Variants in EFR3A observed in about 807,000 individuals in gnomAD.
EFR3A encodes EFR3 homolog A.
In EFR3A, 76 loss-of-function variants were observed where a neutral mutation model predicts 104.4. That is an observed-to-expected ratio of 0.73 (90% CI 0.60 to 0.88). EFR3A has a LOEUF of 0.88. Among genes scored for constraint, EFR3A ranks in the 40% least tolerant of loss-of-function variants. The pLI is 0.00. For synonymous variants in EFR3A, 330 were observed against 330.0 expected (o/e 1.00, Z 0.00); for missense variants, 985 against 1,012.5 (o/e 0.97, Z 0.37).
intron 18 of EFR3A, among the ~76,000 whole-genome samples, chr8:131,989,823 G>A (rs1821073662): frequency 6.6e-6 from 1 of 152,202 alleles, no homozygotes; most frequent in Non-Finnish European, 1.5e-5. Context: ...TCTAGAGAAA[G>A]AATGATGATC....
chr8:131,996,519 G>A, intron 19 of EFR3A, 22 bp downstream of exon 19: 1 of 1,505,870 alleles, frequency 6.6e-7, no homozygotes, highest in Non-Finnish European at 9.1e-7. Context: ...AAAGTTTATG[G>A]TAGAGTACTG....
At chr8:131,954,304 C>G (rs1291238063) in intron 6 of EFR3A, among the ~76,000 whole-genome samples, 1 of 151,976 alleles carries the variant, frequency 6.6e-6, no homozygotes, top group Non-Finnish European at 1.5e-5. Context: ...TATAGCTCTA[C>G]TTTTGTTAAT....
chr8:131,943,393 G>T (rs1248251397), intron 2 of EFR3A, among the ~76,000 whole-genome samples: 1 of 151,940 alleles, frequency 6.6e-6, no homozygotes, highest in Non-Finnish European at 1.5e-5. Context: ...ATATAGGAGA[G>T]ACACAATTTT....
chr8:131,994,160 G>C (rs565416154), intron 18 of EFR3A, among the ~76,000 whole-genome samples: 1 of 151,902 alleles, frequency 6.6e-6, no homozygotes, highest in Non-Finnish European at 1.5e-5. Context: ...GGAGAATCAC[G>C]TGAGCCCAAG....
chr8:131,954,803 T>A (rs992835940), intron 6 of EFR3A, among the ~76,000 whole-genome samples: 27 of 152,000 alleles, frequency 1.8e-4, no homozygotes, highest in African/African-American at 6.3e-4. Context: ...GTTCTAAATT[T>A]AAATTTTATT....
chr8:131,996,290 A>G (rs557169805), intron 18 of EFR3A, 116 bp from the exon 19 acceptor site: 3 of 623,848 alleles, frequency 4.8e-6, no homozygotes, highest in Non-Finnish European at 7.8e-6. Context: ...GGAACAAAAA[A>G]GACAAACTGT....
At chr8:131,929,392 G>C (rs1011581223) in intron 1 of EFR3A, among the ~76,000 whole-genome samples, 9 of 152,108 alleles carry the variant, frequency 5.9e-5, no homozygotes, top group African/African-American at 1.9e-4. Context: ...CCTCTTAAGA[G>C]CCTTAATAGA....
chr8:131,978,733 A>G, intron 12 of EFR3A, 114 bp from the exon 13 acceptor site: 1 of 810,030 alleles, frequency 1.2e-6, no homozygotes, highest in Non-Finnish European at 1.8e-6. Flanking sequence ...TCTTTTCTCC[A>G]GGCTTCTGTC....
At chr8:131,929,547 T>G (rs540351773) in intron 1 of EFR3A, among the ~76,000 whole-genome samples, 1 of 152,244 alleles carries the variant, frequency 6.6e-6, no homozygotes, top group East Asian at 1.9e-4. Context: ...GTGATAGTTG[T>G]TATCACAGAG....
intron 4 of EFR3A, among the ~76,000 whole-genome samples, chr8:131,947,445 T>C (rs1259297642): frequency 6.6e-6 from 1 of 152,050 alleles, no homozygotes; most frequent in Non-Finnish European, 1.5e-5. Context: ...AGATATCTTC[T>C]CCATTTCTAT....
intron 22 of EFR3A, 73 bp from the exon 23 acceptor site, chr8:132,010,717 G>A (rs1822300071): frequency 6.5e-7 from 1 of 1,529,538 alleles, no homozygotes; most frequent in South Asian, 1.2e-5. Context: ...TTCGCAGATA[G>A]TAGATAGAAT....
chr8:131,932,492 G>C (rs1817659132), intron 1 of EFR3A, among the ~76,000 whole-genome samples: 1 of 152,068 alleles, frequency 6.6e-6, no homozygotes, highest in Non-Finnish European at 1.5e-5. Flanking sequence ...GCTAATAAAG[G>C]GGAAGCTGTA....
At chr8:131,917,770 GGTTT>G (rs992291534) in intron 1 of EFR3A, among the ~76,000 whole-genome samples, 16 of 152,148 alleles carry the variant, frequency 1.1e-4, no homozygotes, top group African/African-American at 3.9e-4. Context: ...AAAACTGGTT[GGTTT>G]GTTTTTTTTC....
intron 14 of EFR3A, among the ~76,000 whole-genome samples, chr8:131,980,270 C>T (rs968780305): frequency 1.3e-4 from 20 of 152,090 alleles, no homozygotes; most frequent in African/African-American, 4.8e-4. Flanking sequence ...CTGTCTTTAC[C>T]ATTACTATTG....
intron 8 of EFR3A, among the ~76,000 whole-genome samples, chr8:131,961,307 C>A (rs200966716): frequency 6.6e-6 from 1 of 152,038 alleles, no homozygotes; most frequent in East Asian, 1.9e-4. Context: ...AAGTTAAAAA[C>A]CTTGAAAAAA....
intron 10 of EFR3A, among the ~76,000 whole-genome samples, chr8:131,975,809 T>C (rs1394605979): frequency 6.6e-6 from 1 of 152,240 alleles, no homozygotes; most frequent in Non-Finnish European, 1.5e-5. Context: ...GATATATTTA[T>C]CATTTTATCT....
chr8:131,942,331 A>G (rs1480817688), intron 2 of EFR3A, among the ~76,000 whole-genome samples: 3 of 152,126 alleles, frequency 2.0e-5, no homozygotes, highest in Admixed American at 2.0e-4. Context: ...TAACTTGTTA[A>G]AACAAACAAA....
At chr8:131,925,626 AAT>A (rs1249811893) in intron 1 of EFR3A, among the ~76,000 whole-genome samples, 1 of 152,114 alleles carries the variant, frequency 6.6e-6, no homozygotes, top group Non-Finnish European at 1.5e-5. Flanking sequence ...AGTTCTTAGT[AAT>A]ATGTTTCCTG....
chr8:131,961,192 T>G (rs1385943839), intron 8 of EFR3A, among the ~76,000 whole-genome samples: 1 of 152,048 alleles, frequency 6.6e-6, no homozygotes, highest in Non-Finnish European at 1.5e-5. Flanking sequence ...TCACCAGCAA[T>G]GGAACAAAGC....
Sources: gnomAD v4.1 joint callset for allele counts (sites outside exome capture counted in the v4.1 genomes callset) on GRCh38, gnomAD v4.1.1 for gene constraint, MANE v1.5 for transcripts, NCBI Gene and HGNC (gene_info 2026-07-23, HGNC 2026-07-21) for gene names.